The following TPX2 variants were observed in gnomAD, a reference collection of about 807,000 sequenced individuals.
The protein encoded by TPX2 is TPX2 microtubule nucleation factor, also known as targeting protein for Xklp2.
A neutral mutation model predicts 93.6 loss-of-function variants in TPX2; 21 were observed. The ratio of observed to expected loss-of-function variants is 0.22; its 90% confidence interval spans 0.16 to 0.32. The LOEUF (loss-of-function observed/expected upper bound fraction) is 0.32, where lower values mean the gene tolerates loss of function less well. Among genes scored for constraint, TPX2 ranks in the 10% least tolerant of loss-of-function variants. The pLI is 1.00. For synonymous variants in TPX2, 281 were observed against 298.3 expected (o/e 0.94, Z 0.60); for missense variants, 776 against 871.1 (o/e 0.89, Z 1.37).
intron 2 of TPX2, among the ~76,000 whole-genome samples, chr20:31,756,828 T>C (rs1311953172): frequency 6.6e-6 from 1 of 152,050 alleles, no homozygotes; most frequent in Non-Finnish European, 1.5e-5. Flanking sequence ...GGTTTTGCCA[T>C]GTTGGTCGGG....
At chr20:31,781,263 T>TC (rs2062031788) in intron 10 of TPX2, among the ~76,000 whole-genome samples, 1 of 146,572 alleles carries the variant, frequency 6.8e-6, no homozygotes, top group African/African-American at 2.6e-5. Flanking sequence ...CTTTTTTTTT[T>TC]TTTTTTTTTT....
intron 16 of TPX2, 151 bp from the exon 17 acceptor site, chr20:31,798,214 T>C: frequency 1.1e-6 from 1 of 921,690 alleles, no homozygotes. Context: ...ACTTTTTGTA[T>C]TTAGTTGGCT....
At chr20:31,794,755 AGT>A (rs35018680) in intron 15 of TPX2, among the ~76,000 whole-genome samples, 6,326 of 144,986 alleles carry the variant, frequency 0.044, 161 homozygotes, top group East Asian at 0.088. Flanking sequence ...TCTGTCGCAT[AGT>A]GTGTGTGTGT....
intron 2 of TPX2, among the ~76,000 whole-genome samples, chr20:31,747,761 G>A (rs1482150870): frequency 2.0e-5 from 3 of 146,958 alleles, no homozygotes; most frequent in Non-Finnish European, 4.5e-5. Context: ...TGTGGTTGAC[G>A]CATGTGCCTT....
chr20:31,758,138 T>C (rs2061863294), intron 3 of TPX2, among the ~76,000 whole-genome samples: 1 of 126,390 alleles, frequency 7.9e-6, no homozygotes. Context: ...TTTTTTTTTT[T>C]TGAGGCTGTA....
At chr20:31,791,928 ACT>A (rs1397522493) in intron 12 of TPX2, among the ~76,000 whole-genome samples, 4 of 152,296 alleles carry the variant, frequency 2.6e-5, no homozygotes, top group East Asian at 1.9e-4. Context: ...TAGAATATAA[ACT>A]CTGTGTGAAT....
chr20:31,748,946 A>ATT (rs11482521), intron 2 of TPX2, among the ~76,000 whole-genome samples: 29 of 141,460 alleles, frequency 2.1e-4, no homozygotes, highest in Non-Finnish European at 2.9e-4. Context: ...TTAAATGTGA[A>ATT]TTTTTTTTTT....
In TPX2 at chr20:31,783,851, A is replaced by G. The variant is rs777036685; in HGVS notation, c.1343A>G (p.Lys448Arg). 1.2e-6 allele frequency: 2 copies of G among 1,608,394 alleles called. No individual in the cohort carries two copies. Among genetic ancestry groups the G allele is most frequent in the East Asian group, 2.2e-5 (1 of 44,870 alleles). The change falls in exon 12 of 18, where the codon AAG becomes AGG. Residue 448 changes from lysine to arginine, a missense_variant. Transcript: ENST00000300403. ...EKRIQERESK[K>R]KTEDEHFEFH... ...AGAATCCAGGAGCGAGAATCAAAGA[A>G]GAAAACAGAGGATGAACACTTTGAA...
intron 4 of TPX2, among the ~76,000 whole-genome samples, chr20:31,765,564 G>A (rs1016898496): frequency 6.6e-6 from 1 of 151,996 alleles, no homozygotes; most frequent in African/African-American, 2.4e-5. Context: ...TCCTGCCTCC[G>A]TCTTCCCAGT....
intron 4 of TPX2, among the ~76,000 whole-genome samples, chr20:31,765,666 A>T (rs879302686): frequency 6.6e-5 from 10 of 152,168 alleles, no homozygotes; most frequent in Non-Finnish European, 1.5e-4. Flanking sequence ...CAATGTTATG[A>T]TTATATAAAT....
chr20:31,776,074 T>C, intron 8 of TPX2, 86 bp downstream of exon 8: 1 of 543,870 alleles, frequency 1.8e-6, no homozygotes, highest in Non-Finnish European at 2.3e-6. Context: ...TTTTTTTTTT[T>C]TTTTTTTTTT....
At chr20:31,740,204 A>G (rs966034287) in intron 1 of TPX2, among the ~76,000 whole-genome samples, 5 of 152,212 alleles carry the variant, frequency 3.3e-5, no homozygotes, top group East Asian at 3.9e-4. Context: ...CTAGTAGTTC[A>G]GTAACATGGA....
At chr20:31,753,328 T>G (rs2061831351) in intron 2 of TPX2, among the ~76,000 whole-genome samples, 1 of 152,208 alleles carries the variant, frequency 6.6e-6, no homozygotes, top group Non-Finnish European at 1.5e-5. Flanking sequence ...GGCAAGTCAT[T>G]TAATCTTTCT....
At chr20:31,793,387 CTTT>C (rs2123088583) in intron 13 of TPX2, among the ~76,000 whole-genome samples, 1 of 152,176 alleles carries the variant, frequency 6.6e-6, no homozygotes, top group Admixed American at 6.5e-5. Context: ...AAGCATAAGC[CTTT>C]TTATAGGTTC....
At chr20:31,745,286 C>T (rs2061776586) in intron 2 of TPX2, among the ~76,000 whole-genome samples, 1 of 151,566 alleles carries the variant, frequency 6.6e-6, no homozygotes, top group Non-Finnish European at 1.5e-5. Context: ...AATCTTCCTC[C>T]AGCCTTGTTA....
At chr20:31,750,113 T>G (rs916728040) in intron 2 of TPX2, among the ~76,000 whole-genome samples, 35 of 151,286 alleles carry the variant, frequency 2.3e-4, no homozygotes, top group Admixed American at 1.7e-3. Context: ...AATTTTGTGT[T>G]TTTAGTAGAG....
At chr20:31,781,456 G>A (rs540128604) in intron 10 of TPX2, among the ~76,000 whole-genome samples, 11 of 151,232 alleles carry the variant, frequency 7.3e-5, no homozygotes, top group African/African-American at 2.2e-4. Flanking sequence ...TAATAGAGAC[G>A]GGATTTCACC....
rs745693344 is a variant in TPX2 at position 31,760,844 on chromosome 20, CT to C, written c.229+669del. On this transcript the variant is annotated intron_variant, in intron 4 of 17. Transcript: ENST00000300403. ...AAAAGATGATGGATCGCTTCTCGGC[CT>C]TTTGGCTAAGATCAAGTGTAAAAGA... Among the ~76,000 whole-genome samples the C allele has an allele frequency of 3.9e-5, 6 of 152,212 alleles. 1 individual carries two copies. The highest frequency in any genetic ancestry group is 7.2e-5 in the African/African-American group (3 of 41,530).
Position 31,783,957 on chromosome 20 carries a change from C to T in TPX2, c.1413+36C>T, listed in dbSNP as rs375110051. On this transcript the variant is annotated intron_variant, in intron 12 of 17. Transcript: ENST00000300403. Reference sequence around the variant, plus strand: ...GGCTATGTGTGCTGGCAGAAGTGTACTGCTCATGACCAGATATCCACCCAT... The same window carrying T: ...GGCTATGTGTGCTGGCAGAAGTGTATTGCTCATGACCAGATATCCACCCAT... 33 of 1,604,500 alleles carry T rather than the reference C, an allele frequency of 2.1e-5. No homozygotes were observed. The African/African-American group carries it at 3.5e-4, about 17-fold the overall frequency.
Sources: gnomAD v4.1 joint callset for allele counts (sites outside exome capture counted in the v4.1 genomes callset) on GRCh38, gnomAD v4.1.1 for gene constraint, MANE v1.5 for transcripts, NCBI Gene and HGNC (gene_info 2026-07-23, HGNC 2026-07-21) for gene names.